The following SSUH2 variants were observed in gnomAD, a reference collection of about 807,000 sequenced individuals.
SSUH2 encodes protein SSUH2 homolog.
A neutral mutation model predicts 55.3 loss-of-function variants in SSUH2; 47 were observed. The observed-to-expected ratio is 0.85, with a 90% CI of 0.67 to 1.08. The LOEUF is 1.08. Among genes scored for constraint, SSUH2 ranks in the 50% least tolerant of loss-of-function variants. The pLI, the probability that SSUH2 is intolerant of heterozygous loss-of-function variation, is 0.00. For synonymous variants in SSUH2, 212 were observed against 191.5 expected (o/e 1.11, Z -0.89); for missense variants, 535 against 490.7 (o/e 1.09, Z -0.85).
chr3:8,639,816 C>T (rs919028384), intron 1 of SSUH2: 14 of 221,704 alleles, frequency 6.3e-5, no homozygotes, highest in African/African-American at 3.3e-4. Context: ...ACATTGTCTC[C>T]TTTGACAGGT....
chr3:8,625,895 G>A (rs1360045890), intron 9 of SSUH2, among the ~76,000 whole-genome samples: 1 of 152,244 alleles, frequency 6.6e-6, no homozygotes, highest in Non-Finnish European at 1.5e-5. Flanking sequence ...GCCTGAGACA[G>A]GAGAAACCTT....
intron 7 of SSUH2, among the ~76,000 whole-genome samples, chr3:8,658,339 TCA>T (rs1212386155): frequency 1.3e-5 from 2 of 152,186 alleles, no homozygotes; most frequent in Non-Finnish European, 2.9e-5. Context: ...AGAAACTCTC[TCA>T]GAGTTTCTGG....
intron 5 of SSUH2, among the ~76,000 whole-genome samples, chr3:8,670,673 G>A (rs1559534468): frequency 6.6e-6 from 1 of 152,024 alleles, no homozygotes; most frequent in Admixed American, 6.5e-5. Flanking sequence ...ATCAGAGGGT[G>A]TACATGCATT....
chr3:8,625,938 G>A (rs142011064), intron 9 of SSUH2, among the ~76,000 whole-genome samples: 36 of 152,336 alleles, frequency 2.4e-4, no homozygotes, highest in Admixed American at 1.0e-3. Context: ...ACTTAGGGAC[G>A]TAGCAGGATG....
intron 11 of SSUH2, among the ~76,000 whole-genome samples, chr3:8,621,060 T>G (rs927914761): frequency 1.3e-5 from 2 of 152,138 alleles, no homozygotes; most frequent in African/African-American, 4.8e-5. Flanking sequence ...TGGCTTCTGG[T>G]GCTGTTTTGT....
rs1406097243 is a variant in SSUH2 at position 8,633,722 on chromosome 3, T to C, written c.283A>G (p.Ser95Gly). 1 of 1,569,982 alleles carries C rather than the reference T, an allele frequency of 6.4e-7. No individual in the cohort carries two copies. Among genetic ancestry groups the C allele is most frequent in the East Asian group, 2.3e-5 (1 of 44,272 alleles). ...SFVDSKCCYS[S>G]TVAGDLVIQE... ...ATGACGAGGTCTCCAGCCACCGTGC[T>C]GCTGTAGCAGCACTTAGAGTCCACA... The change falls in exon 4 of 12, where the codon AGC (serine) becomes GGC (glycine). Residue 95 changes from serine (S) to glycine (G), a missense_variant. Physicochemically the swap from Ser to Gly is moderately conservative, Grantham distance 56. Transcript: ENST00000544814.
chr3:8,627,411 T>C (rs539173613), intron 8 of SSUH2: 1 of 339,230 alleles, frequency 2.9e-6, no homozygotes, highest in African/African-American at 2.1e-5. Flanking sequence ...GCGGGAGAGG[T>C]CTCCTTTCCT....
chr3:8,643,137 C>T (rs1461276895), intron 1 of SSUH2, among the ~76,000 whole-genome samples: 2 of 152,138 alleles, frequency 1.3e-5, no homozygotes, highest in South Asian at 2.1e-4. Context: ...CTGATCATTT[C>T]GTAGAGTCAA....
rs1299994477 is a variant in SSUH2 at position 8,679,132 on chromosome 3, G to GA, written c.-901+572_-901+573insT. Among the ~76,000 whole-genome samples, 13 of 107,176 alleles carry GA rather than the reference G, an allele frequency of 1.2e-4. 1 individual carries two copies. The East Asian group carries it at 1.4e-3, about 12-fold the overall frequency. 70.3% of individuals were successfully genotyped at this position (107,176 alleles called of 152,430 possible). On this transcript the variant is annotated intron_variant, in intron 2 of 18. Coordinates refer to the SSUH2 transcript ENST00000317371. ...GGCTCTTAGGACCCAAATTGCGGGG[G>GA]GGAGGCACCCCCGCGAGGCGGGGAC...
chr3:8,620,995 C>CT (rs111948727), intron 11 of SSUH2, among the ~76,000 whole-genome samples: 22,656 of 152,204 alleles, frequency 0.15, 1,937 homozygotes, highest in Non-Finnish European at 0.18. Flanking sequence ...ATATGAGGCC[C>CT]TGAACAGAAA....
intron 6 of SSUH2, among the ~76,000 whole-genome samples, chr3:8,660,708 T>C (rs1172915162): frequency 6.6e-6 from 1 of 152,148 alleles, no homozygotes. Flanking sequence ...GGGCCACAAG[T>C]TACGTTATGC....
chr3:8,662,616 G>T (rs1419928760), intron 6 of SSUH2, among the ~76,000 whole-genome samples: 2 of 152,232 alleles, frequency 1.3e-5, no homozygotes, highest in Non-Finnish European at 2.9e-5. Flanking sequence ...ATATACAGAA[G>T]TAGAAGAAGG....
chr3:8,624,810 C>T (rs1241508942), intron 10 of SSUH2, among the ~76,000 whole-genome samples: 2 of 152,262 alleles, frequency 1.3e-5, no homozygotes, highest in East Asian at 3.9e-4. Context: ...GGACCCTCTC[C>T]TCTGGCTGAA....
At chr3:8,643,652 A>G (rs1441194194) in intron 1 of SSUH2, among the ~76,000 whole-genome samples, 1 of 152,210 alleles carries the variant, frequency 6.6e-6, no homozygotes, top group Admixed American at 6.5e-5. Flanking sequence ...TAAGATATCA[A>G]CATTAAAGAC....
intron 3 of SSUH2, chr3:8,634,259 G>A (rs1465939295): frequency 2.9e-6 from 2 of 684,082 alleles, no homozygotes; most frequent in African/African-American, 1.8e-5. Context: ...CTGGCCCAGG[G>A]CTGATGGCAG....
intron 4 of SSUH2, among the ~76,000 whole-genome samples, chr3:8,633,056 G>T (rs1410014279): frequency 6.6e-6 from 1 of 152,006 alleles, no homozygotes; most frequent in East Asian, 1.9e-4. Flanking sequence ...GTATAGGGCA[G>T]CCATGAGGAT....
intron 1 of SSUH2, among the ~76,000 whole-genome samples, chr3:8,681,683 C>T (rs1034087346): frequency 6.6e-5 from 10 of 151,786 alleles, no homozygotes; most frequent in Non-Finnish European, 2.9e-5. Context: ...CCCCTCTTCC[C>T]CCCGGCTCTT....
chr3:8,663,957 C>A (rs1212327364), intron 5 of SSUH2: 1 of 397,154 alleles, frequency 2.5e-6, no homozygotes, highest in Non-Finnish European at 5.1e-6. Flanking sequence ...GTGAGGGATT[C>A]TTTGGCTTGT....
intron 2 of SSUH2, among the ~76,000 whole-genome samples, chr3:8,678,612 T>C (rs4494915): frequency 0.034 from 970 of 28,224 alleles, 216 homozygotes; most frequent in Middle Eastern, 0.077. Flanking sequence ...GAGCCAGCCC[T>C]TCTTCCCCCC....
Sources: allele counts gnomAD v4.1 joint callset (sites outside exome capture counted in the v4.1 genomes callset), GRCh38; gene constraint gnomAD v4.1.1; transcripts MANE v1.5; gene names NCBI Gene and HGNC (gene_info 2026-07-23, HGNC 2026-07-21).